Variants in AGMO observed in about 807,000 individuals in gnomAD.
AGMO encodes glyceryl-ether monooxygenase.
In AGMO, 75 loss-of-function variants were observed where a neutral mutation model predicts 60.2. The ratio of observed to expected loss-of-function variants is 1.25; its 90% CI spans 1.03 to 1.51. The LOEUF is 1.51. Among genes scored for constraint, AGMO ranks in the 40% most tolerant of loss-of-function variants. The pLI is 0.00. For synonymous variants in AGMO, 261 were observed against 177.1 expected, an observed-to-expected ratio of 1.47 and a Z score of -3.76; for missense variants, 763 against 525.5, an observed-to-expected ratio of 1.45 and a Z score of -4.42.
chr7:15,539,358 G>C (rs145108593), intron 3 of AGMO, among the ~76,000 whole-genome samples: 11 of 152,164 alleles, frequency 7.2e-5, no homozygotes, highest in African/African-American at 2.6e-4. Flanking sequence ...ATGTGTTCTC[G>C]TTGTATAGCT....
intron 10 of AGMO, among the ~76,000 whole-genome samples, chr7:15,372,210 C>T (rs192436461): frequency 1.6e-4 from 24 of 152,000 alleles, no homozygotes; most frequent in Admixed American, 6.6e-4. Flanking sequence ...CAGCACTTTA[C>T]GACGCTGAGG....
chr7:15,310,537 ATGT>A (rs1330962897), intron 12 of AGMO, among the ~76,000 whole-genome samples: 2 of 152,120 alleles, frequency 1.3e-5, no homozygotes, highest in African/African-American at 4.8e-5. Context: ...TTCCTATATC[ATGT>A]TATTATAATA....
At chr7:15,212,221 CTATT>C (rs1211639982) in intron 12 of AGMO, among the ~76,000 whole-genome samples, 4 of 149,772 alleles carry the variant, frequency 2.7e-5, no homozygotes, top group African/African-American at 7.4e-5. Context: ...TATCCATTCA[CTATT>C]TATTTAGTGT....
chr7:15,167,280 T>C, the AGMO span, among the ~76,000 whole-genome samples: 1 of 152,184 alleles, frequency 6.6e-6, no homozygotes, highest in Non-Finnish European at 1.5e-5. Flanking sequence ...GTGTTGAAGG[T>C]AAACAACTCA....
intron 12 of AGMO, among the ~76,000 whole-genome samples, chr7:15,226,445 G>A (rs1034668614): frequency 2.0e-5 from 3 of 152,020 alleles, no homozygotes; most frequent in Non-Finnish European, 4.4e-5. Flanking sequence ...GATTTCTAAT[G>A]AGAAAATAGT....
chr7:15,475,981 C>A (rs1782585087), intron 3 of AGMO, among the ~76,000 whole-genome samples: 1 of 151,980 alleles, frequency 6.6e-6, no homozygotes, highest in South Asian at 2.1e-4. Context: ...AGAGCATCAG[C>A]AATGCATTGG....
intron 12 of AGMO, among the ~76,000 whole-genome samples, chr7:15,249,306 G>C (rs762439798): frequency 7.9e-5 from 12 of 152,108 alleles, no homozygotes; most frequent in Non-Finnish European, 1.8e-4. Context: ...GTAGCTGACA[G>C]AATATAGCCT....
intron 10 of AGMO, among the ~76,000 whole-genome samples, chr7:15,369,954 G>A (rs905647788): frequency 2.6e-5 from 4 of 152,204 alleles, no homozygotes; most frequent in African/African-American, 9.6e-5. Flanking sequence ...TTGCAGGTTT[G>A]TTACATTAGT....
At chr7:15,412,445 C>T (rs1780640054) in intron 5 of AGMO, among the ~76,000 whole-genome samples, 1 of 151,802 alleles carries the variant, frequency 6.6e-6, no homozygotes, top group Non-Finnish European at 1.5e-5. Flanking sequence ...AAGACAGGGA[C>T]CACGGAAAGG....
the AGMO span, among the ~76,000 whole-genome samples, chr7:15,147,455 A>T: frequency 6.6e-6 from 1 of 151,802 alleles, no homozygotes; most frequent in Non-Finnish European, 1.5e-5. Flanking sequence ...AAACCATTAG[A>T]TCTTGTGAGA....
chr7:15,289,296 G>C, intron 12 of AGMO, among the ~76,000 whole-genome samples: 1 of 150,870 alleles, frequency 6.6e-6, no homozygotes, highest in South Asian at 2.2e-4. Context: ...TTTCTTTATA[G>C]AATTAAATGA....
rs191662488 is a variant in AGMO at position 15,425,535 on chromosome 7, A to G, written c.513+5470T>C. 4.9e-3 allele frequency among the ~76,000 whole-genome samples: 752 copies of G among 151,956 alleles called. 1 individual carries two copies. Among genetic ancestry groups the G allele is most frequent in the Middle Eastern group, 0.014 (4 of 294 alleles). On this transcript the variant is annotated intron_variant, in intron 4 of 12. Transcript: ENST00000342526. ...CTGTAGCCTCAACCTCCAGGGACCA[A>G]GTGATCCTCACATCTCACTCAGCCT...
intron 12 of AGMO, among the ~76,000 whole-genome samples, chr7:15,241,706 C>T (rs1444425631): frequency 6.9e-6 from 1 of 144,288 alleles, no homozygotes; most frequent in Non-Finnish European, 1.6e-5. Flanking sequence ...TAACAAAATA[C>T]TAAAAATGTA....
Position 15,554,754 on chromosome 7 carries a change from G to C in AGMO, c.257+5387C>G, listed in dbSNP as rs185834780. On this transcript the variant is annotated intron_variant, in intron 2 of 12. Transcript: ENST00000342526. ...AAAATTCAGTTTTAATGTTAAGATT[G>C]AAAAATAATCAATAAATCAGAAATA... 3.3e-4 allele frequency among the ~76,000 whole-genome samples: 50 copies of C among 152,078 alleles called. No homozygotes were observed. In the East Asian group the frequency reaches 9.3e-3, roughly 28 times the overall value.
At chr7:15,434,012 G>A (rs1781328713) in intron 3 of AGMO, among the ~76,000 whole-genome samples, 1 of 152,078 alleles carries the variant, frequency 6.6e-6, no homozygotes, top group Non-Finnish European at 1.5e-5. Flanking sequence ...ATGTTCGGCT[G>A]TATGAGTTTT....
At chr7:15,156,984 G>C in the AGMO span, among the ~76,000 whole-genome samples, 13 of 152,146 alleles carry the variant, frequency 8.5e-5, no homozygotes, top group Admixed American at 2.0e-4. Context: ...TAAGTAGGCT[G>C]ATTATTTTTT....
At chr7:15,192,752 GC>G in the AGMO span, among the ~76,000 whole-genome samples, 1 of 152,046 alleles carries the variant, frequency 6.6e-6, no homozygotes, top group Non-Finnish European at 1.5e-5. Flanking sequence ...GCCCGCCCTG[GC>G]TCCTGCACCT....
At chr7:15,366,341 C>T in intron 10 of AGMO, 119 bp from the exon 11 acceptor site, 1 of 593,020 alleles carries the variant, frequency 1.7e-6, no homozygotes, top group Non-Finnish European at 2.9e-6. Flanking sequence ...TTGTCATTGA[C>T]ACTTTACAGA....
At chr7:15,180,067 T>C in the AGMO span, among the ~76,000 whole-genome samples, 3 of 152,274 alleles carry the variant, frequency 2.0e-5, no homozygotes, top group Admixed American at 1.3e-4. Context: ...TCCAAGATCT[T>C]TGAAATGCCT....
Sources: allele counts gnomAD v4.1 joint callset (sites outside exome capture counted in the v4.1 genomes callset), GRCh38; gene constraint gnomAD v4.1.1; transcripts MANE v1.5; gene names NCBI Gene and HGNC (gene_info 2026-07-23, HGNC 2026-07-21).